The following BECN1 variants were observed in gnomAD, a reference collection of about 807,000 sequenced individuals.
BECN1 encodes beclin-1.
A neutral mutation model predicts 60.1 loss-of-function variants in BECN1; 15 were observed. That is an observed-to-expected ratio of 0.25 (90% CI 0.17 to 0.38). BECN1 has a LOEUF of 0.38. BECN1 is among the 10% of genes least tolerant of loss of function. The pLI, the probability that BECN1 is intolerant of heterozygous loss-of-function variation, is 1.00. For missense variants in BECN1, 424 were observed against 548.2 expected, an observed-to-expected ratio of 0.77 and a Z score of 2.26; for synonymous variants, 179 against 201.8, an observed-to-expected ratio of 0.89 and a Z score of 0.96.
intron 7 of BECN1, among the ~76,000 whole-genome samples, chr17:42,817,791 C>T (rs1019537951): frequency 6.6e-6 from 1 of 152,104 alleles, no homozygotes; most frequent in African/African-American, 2.4e-5. Flanking sequence ...TTAAGTGATC[C>T]TTCTGCCTTG....
chr17:42,823,771 C>CG lies in BECN1; in HGVS notation c.106dup (p.Arg36ProfsTer28). On this transcript the variant is annotated frameshift_variant, in exon 2 of 12. Coordinates refer to ENST00000590099, the MANE Select transcript of BECN1 (RefSeq NM_001313998.2). LOFTEE classifies it high-confidence loss of function. The stretch of plus-strand genomic sequence containing the variant: ...ACCTGTGAGTTCCTGGATGGTGACA[C>CG]GGTCCAGGATCTTGAAACTCGTGTC... The CG allele has an allele frequency of 6.2e-7, 1 of 1,613,984 alleles. No individual in the cohort carries two copies. The highest frequency in any genetic ancestry group is 8.5e-7 in the Non-Finnish European group (1 of 1,179,914).
chr17:42,816,857 C>T (rs1246771965), intron 7 of BECN1, among the ~76,000 whole-genome samples: 1 of 152,106 alleles, frequency 6.6e-6, no homozygotes, highest in African/African-American at 2.4e-5. Context: ...GTAGTCCCAG[C>T]TACTTGGGAG....
intron 8 of BECN1, 139 bp from the exon 9 acceptor site, chr17:42,814,812 T>C (rs2055111520): frequency 3.7e-6 from 4 of 1,075,456 alleles, no homozygotes; most frequent in Admixed American, 2.6e-5. Context: ...TTTAAATACA[T>C]GTCCAAAACT....
chr17:42,811,495 T>C (rs964170354), intron 11 of BECN1, 160 bp downstream of exon 11: 14 of 864,384 alleles, frequency 1.6e-5, no homozygotes, highest in Non-Finnish European at 2.3e-5. Flanking sequence ...TCTGTCCTGC[T>C]TGCAGTACTG....
Position 42,820,754 on chromosome 17 carries a change from GGA to G in BECN1, c.198+18_198+19del. 1 of 1,561,346 alleles carries G rather than the reference GGA, an allele frequency of 6.4e-7. No homozygotes were observed. Among genetic ancestry groups the G allele is most frequent in the Non-Finnish European group, 8.7e-7 (1 of 1,147,484 alleles). ...ATGTTTACTACATGAGGAGGATAGG[GGA>G]GAGGGCACTTCTATTACCTCTCCTG... On this transcript the variant is annotated intron_variant, in intron 3 of 11. Transcript: ENST00000590099.
chr17:42,810,716 AAAATT>A lies in BECN1; in HGVS notation c.*39_*43del. On this transcript the variant is annotated 3_prime_UTR_variant, in exon 12 of 12. Transcript: ENST00000590099. ...TTTAAAACATGTTTGCAAACAAAAC[AAAATT>A]AAAAGCCTTTAAGGCAAACCTCCCC... The A allele has an allele frequency of 1.3e-6, 2 of 1,530,564 alleles. No individual in the cohort carries two copies. The highest frequency in any genetic ancestry group is 1.8e-6 in the Non-Finnish European group (2 of 1,136,134). The allele number at this position is 1,530,564 out of a possible 1,614,324, so 94.8% of individuals were successfully genotyped here.
intron 1 of BECN1, 49 bp from the exon 2 acceptor site, chr17:42,823,928 C>T (rs777680880): frequency 6.3e-7 from 1 of 1,595,640 alleles, no homozygotes; most frequent in African/African-American, 1.3e-5. Context: ...ACGCCCTTGA[C>T]CTCCGGCCCG....
intron 2 of BECN1, among the ~76,000 whole-genome samples, chr17:42,822,652 A>G (rs1407438843): frequency 6.6e-6 from 1 of 151,966 alleles, no homozygotes; most frequent in Non-Finnish European, 1.5e-5. Flanking sequence ...CACCTGCCTC[A>G]GCCTCCCATA....
In BECN1 at chr17:42,810,479, AAAAGC is replaced by A. The variant is rs1215812156; in HGVS notation, c.*276_*280del. On this transcript the variant is annotated 3_prime_UTR_variant, in exon 12 of 12. Coordinates refer to ENST00000590099, the MANE Select transcript of BECN1 (RefSeq NM_001313998.2). ...TCAATTCAACTCAGTTAAAAAAAAG[AAAAGC>A]AAATTTAAATTAGTTTTTTTCAGAG... 4.3e-5 allele frequency: 10 copies of A among 234,808 alleles called. No individual in the cohort carries two copies. In the East Asian group the frequency reaches 8.7e-4, roughly 20 times the overall value. 14.5% of individuals were successfully genotyped at this position (234,808 alleles called of 1,614,324 possible).
At chr17:42,821,275 T>C (rs2055258759) in intron 2 of BECN1, among the ~76,000 whole-genome samples, 1 of 152,124 alleles carries the variant, frequency 6.6e-6, no homozygotes, top group African/African-American at 2.4e-5. Context: ...TGGCCAGGTC[T>C]TGATCTCCTG....
Position 42,818,249 on chromosome 17 carries a change from C to T in BECN1, c.655G>A (p.Ala219Thr), listed in dbSNP as rs772060984. ...AENLEKVQAE[A>T]ERLDQEEAQY... ...GCTTCCTCCTGATCCAGTCTCTCAG[C>T]CTCAGCCTGGACCTTCTCGAGATTT... The change falls in exon 7 of 12, where the codon GCT becomes ACT. Residue 219 changes from alanine (A) to threonine (T), a missense_variant. Transcript: ENST00000590099. The T allele has an allele frequency of 6.2e-7, 1 of 1,614,210 alleles. No individual in the cohort carries two copies.
Position 42,818,342 on chromosome 17 carries a change from C to T in BECN1, c.562G>A (p.Ala188Thr). The T allele has an allele frequency of 1.9e-6, 3 of 1,614,222 alleles. No individual in the cohort carries two copies. The highest frequency in any genetic ancestry group is 1.3e-5 in the African/African-American group (1 of 75,060). Reference protein sequence around the residue: ...EQLQMELKELALEEERLIQEL... With the variant: ...EQLQMELKELTLEEERLIQEL... ...TGGATCAGCCTCTCCTCCTCTAGTGCCAGCTCCTTTAGCTCCATCTGTAAC... is the reference window on the plus strand; with the variant it reads ...TGGATCAGCCTCTCCTCCTCTAGTGTCAGCTCCTTTAGCTCCATCTGTAAC... Residue 188 changes from alanine (A) to threonine (T), a missense_variant, in exon 7 of 12, where the codon GCA (alanine) becomes ACA (threonine). This residue lies in a region of BECN1 where 326 missense variants were observed against 406.2 expected (regional missense o/e 0.80). Coordinates refer to ENST00000590099, the MANE Select transcript of BECN1 (RefSeq NM_001313998.2).
chr17:42,823,222 A>G (rs1173441705), intron 2 of BECN1, among the ~76,000 whole-genome samples: 1 of 152,234 alleles, frequency 6.6e-6, no homozygotes, highest in Non-Finnish European at 1.5e-5. Context: ...CTGAAACAGC[A>G]GGAGCAGAAA....
In BECN1 at chr17:42,819,820, AT is replaced by A. The variant is rs367657661; in HGVS notation, c.199-212del. Among the ~76,000 whole-genome samples, 26 of 149,644 alleles carry A rather than the reference AT, an allele frequency of 1.7e-4. No individual in the cohort carries two copies. In the East Asian group the frequency reaches 3.5e-3, roughly 20 times the overall value. On this transcript the variant is annotated intron_variant, in intron 3 of 11. Coordinates refer to ENST00000590099, the MANE Select transcript of BECN1 (RefSeq NM_001313998.2). Reference sequence around the variant, plus strand: ...ACAGACAAACCTTAAGTCCCATTTGATTTTTTTTTTGTGGGGAACAGCATTT... The same window carrying A: ...ACAGACAAACCTTAAGTCCCATTTGATTTTTTTTTGTGGGGAACAGCATTT...
In BECN1 at chr17:42,819,622, T is replaced by G. The variant is rs951917538; in HGVS notation, c.199-13A>C. ...CAATAAATGGCTCCTGGGAAAGAAA[T>G]AAGAGGGCATTACAACTCTGGCAGC... is the stretch of plus-strand genomic sequence containing the variant. On this transcript the variant is annotated splice_polypyrimidine_tract_variant and intron_variant, in intron 3 of 11. Transcript: ENST00000590099. 9.9e-6 allele frequency: 16 copies of G among 1,612,566 alleles called. No homozygotes were observed. The highest frequency in any genetic ancestry group is 1.3e-5 in the African/African-American group (1 of 74,856).
chr17:42,810,133 G>T, downstream of BECN1: 1 of 152,334 alleles, frequency 6.6e-6, no homozygotes. Context: ...GCACCCCTGG[G>T]CAGTTTTCAG....
Position 42,810,651 on chromosome 17 carries a change from G to A in BECN1, c.*109C>T. The A allele has an allele frequency of 9.4e-6, 11 of 1,171,516 alleles. No homozygotes were observed. Among genetic ancestry groups the A allele is most frequent in the Non-Finnish European group, 1.2e-5 (10 of 863,430 alleles). 72.6% of individuals were successfully genotyped at this position (1,171,516 alleles called of 1,614,324 possible). A position where few individuals can be genotyped will look rare whatever the true frequency, so the allele number is the denominator to read the frequency against. On this transcript the variant is annotated 3_prime_UTR_variant, in exon 12 of 12. Coordinates refer to ENST00000590099, the MANE Select transcript of BECN1 (RefSeq NM_001313998.2). The stretch of plus-strand genomic sequence containing the variant: ...GCTTTTGTGGATTTTTTCTTTTTTG[G>A]TATTGTAAACATGTACTGTTTAATA...
intron 4 of BECN1, 174 bp from the exon 5 acceptor site, chr17:42,819,051 C>G: frequency 1.5e-6 from 1 of 656,608 alleles, no homozygotes; most frequent in Admixed American, 3.0e-5. Context: ...GAAGGCCATG[C>G]TGGTCTTCCA....
chr17:42,824,205 G>C lies in BECN1; in HGVS notation c.-53C>G. The C allele has an allele frequency of 2.4e-6, 1 of 416,244 alleles. No homozygotes were observed. Among genetic ancestry groups the C allele is most frequent in the African/African-American group, 2.0e-5 (1 of 49,032 alleles). 25.8% of individuals were successfully genotyped at this position (416,244 alleles called of 1,614,324 possible). A position where few individuals can be genotyped will look rare whatever the true frequency, so the allele number is the denominator to read the frequency against. On this transcript the variant is annotated 5_prime_UTR_variant, in exon 1 of 12. Transcript: ENST00000590099. ...AAGTCCGGTCTACCGCGGAGGCACT[G>C]TGGCCTCGGGTCGGCCCCGGAGCGA...
Sources: allele counts gnomAD v4.1 joint callset (sites outside exome capture counted in the v4.1 genomes callset), GRCh38; gene constraint gnomAD v4.1.1; regional missense constraint gnomAD v4.1.1; transcripts MANE v1.5; gene names NCBI Gene and HGNC (gene_info 2026-07-23, HGNC 2026-07-21).